The following GRM3 variants were observed in gnomAD, a reference collection of about 807,000 sequenced individuals.
The protein encoded by GRM3 is glutamate metabotropic receptor 3, also known as metabotropic glutamate receptor 3.
A neutral mutation model predicts 70.5 loss-of-function variants in GRM3; 26 were observed. That is an observed-to-expected ratio of 0.37 (90% CI 0.27 to 0.51). The LOEUF is 0.51. Ranked by LOEUF, GRM3 falls within the 20% of genes least tolerant of loss-of-function variation. The pLI is 0.93. For synonymous variants in GRM3, 443 were observed against 434.9 expected (o/e 1.02, Z -0.23); for missense variants, 859 against 1,123.8 (o/e 0.76, Z 3.37).
Position 86,838,938 on chromosome 7 carries a change from G to A in GRM3, c.1424G>A (p.Gly475Asp), listed in dbSNP as rs17161026. Residue 475 changes from glycine to aspartate, a missense_variant, in exon 4 of 6, where the codon GGT becomes GAT. Physicochemically the swap from Gly to Asp is moderately conservative, Grantham distance 94 (BLOSUM62 -1). Coordinates refer to ENST00000361669, the MANE Select transcript of GRM3 (RefSeq NM_000840.3). Reference sequence around the variant, plus strand: ...AACGTGTTCAATTTCCAAAATGTAGGTGGAAAGTATTCCTACTTGAAAGTT... The same window carrying A: ...AACGTGTTCAATTTCCAAAATGTAGATGGAAAGTATTCCTACTTGAAAGTT... ...RYNVFNFQNV[G>D]GKYSYLKVGH... 18,949 of 1,613,628 alleles carry A rather than the reference G, an allele frequency of 0.012. 137 individuals are homozygous for A. Among genetic ancestry groups the A allele is most frequent in the Middle Eastern group, 0.016 (96 of 6,060 alleles).
intron 3 of GRM3, among the ~76,000 whole-genome samples, chr7:86,835,611 TCTTA>T (rs555304339): frequency 5.2e-4 from 79 of 152,240 alleles, no homozygotes; most frequent in African/African-American, 1.8e-3. Context: ...TATATACAGC[TCTTA>T]CTTTTTTAAT....
intron 1 of GRM3, among the ~76,000 whole-genome samples, chr7:86,698,520 T>TTATATATA (rs570784350): frequency 2.1e-5 from 3 of 142,158 alleles, no homozygotes; most frequent in African/African-American, 8.0e-5. Flanking sequence ...TAAAAAGTAT[T>TTATATATA]TATATATATA....
rs538838697 is a variant in GRM3, at chr7:86,702,601, T to A, written c.-141+57729T>A. On this transcript the variant is annotated intron_variant, in intron 1 of 5. Transcript: ENST00000361669. ...AATCCCTAAAAGATCCAATTATGATTCCATCATTCTCTTTTTGTCCTTATT... is the reference window on the plus strand; with the variant it reads ...AATCCCTAAAAGATCCAATTATGATACCATCATTCTCTTTTTGTCCTTATT... Among the ~76,000 whole-genome samples, 268 of 152,128 alleles carry A rather than the reference T, an allele frequency of 1.8e-3. 2 individuals carry two copies. Among genetic ancestry groups the A allele is most frequent in the Middle Eastern group, 6.8e-3 (2 of 294 alleles).
intron 3 of GRM3, among the ~76,000 whole-genome samples, chr7:86,812,474 T>C (rs1162377210): frequency 6.6e-6 from 1 of 151,800 alleles, no homozygotes; most frequent in African/African-American, 2.4e-5. Flanking sequence ...GTTAACCAGG[T>C]GTTAATTCCA....
intron 1 of GRM3, among the ~76,000 whole-genome samples, chr7:86,759,793 A>G (rs1416629498): frequency 5.9e-5 from 9 of 152,152 alleles, no homozygotes; most frequent in African/African-American, 2.2e-4. Context: ...TGGGTTTGAA[A>G]TGATGAGCTA....
At chr7:86,668,137 A>T (rs1409376086) in intron 1 of GRM3, among the ~76,000 whole-genome samples, 1 of 152,088 alleles carries the variant, frequency 6.6e-6, no homozygotes, top group Non-Finnish European at 1.5e-5. Flanking sequence ...TGTTTTGTGT[A>T]TCTTCATTAT....
Position 86,864,638 on chromosome 7 carries a change from C to CAAAAAAAAAAAAAAAAAAAAAAAAAA in GRM3, c.*295_*296insAAAAAAAAAAAAAAAAAAAAAAAAAA. On this transcript the variant is annotated 3_prime_UTR_variant, in exon 6 of 6. Transcript: ENST00000361669. Reference sequence around the variant, plus strand: ...CTGACATGGTCAGTCTACTAAAAAACAAAAAAAAAAAACAAAAAAAAAAAA... The same window carrying CAAAAAAAAAAAAAAAAAAAAAAAAAA: ...CTGACATGGTCAGTCTACTAAAAAACAAAAAAAAAAAAAAAAAAAAAAAAAAAAAAAAAAAAAACAAAAAAAAAAAA... 1 of 45,368 alleles carries CAAAAAAAAAAAAAAAAAAAAAAAAAA rather than the reference C, an allele frequency of 2.2e-5. No homozygotes were observed. The highest frequency in any genetic ancestry group is 4.4e-5 in the Non-Finnish European group (1 of 22,472). 2.8% of individuals were successfully genotyped at this position (45,368 alleles called of 1,614,324 possible). A position where few individuals can be genotyped will look rare whatever the true frequency, so the allele number is the denominator to read the frequency against.
intron 3 of GRM3, among the ~76,000 whole-genome samples, chr7:86,798,471 C>T (rs952801833): frequency 3.3e-5 from 5 of 152,194 alleles, no homozygotes; most frequent in Non-Finnish European, 7.3e-5. Flanking sequence ...TGCATGGGTC[C>T]TGTAGCCCCT....
intron 5 of GRM3, 91 bp downstream of exon 5, chr7:86,850,635 T>A: frequency 4.8e-6 from 4 of 836,330 alleles, no homozygotes. Flanking sequence ...TCTGTCCCCA[T>A]GAACAATCTC....
At chr7:86,809,307 GT>G in intron 3 of GRM3, among the ~76,000 whole-genome samples, 1 of 152,112 alleles carries the variant, frequency 6.6e-6, no homozygotes, top group South Asian at 2.1e-4. Context: ...ATAATAAAGT[GT>G]TTCTACAGAA....
intron 1 of GRM3, among the ~76,000 whole-genome samples, chr7:86,661,589 C>A (rs1009588237): frequency 6.6e-6 from 1 of 151,842 alleles, no homozygotes; most frequent in Non-Finnish European, 1.5e-5. Flanking sequence ...CTTCAGTGTT[C>A]TTTTCCTAAG....
At chr7:86,659,737 C>A (rs1314067719) in intron 1 of GRM3, among the ~76,000 whole-genome samples, 1 of 151,966 alleles carries the variant, frequency 6.6e-6, no homozygotes, top group Non-Finnish European at 1.5e-5. Flanking sequence ...CTTATTTTAA[C>A]ATAAAATCCT....
At chr7:86,729,818 C>CA (rs1210609967) in intron 1 of GRM3, among the ~76,000 whole-genome samples, 1 of 152,150 alleles carries the variant, frequency 6.6e-6, no homozygotes, top group Non-Finnish European at 1.5e-5. Flanking sequence ...TTAAAAATGG[C>CA]ATAACTCGGC....
intron 1 of GRM3, among the ~76,000 whole-genome samples, chr7:86,673,839 A>G (rs753455261): frequency 6.6e-6 from 1 of 152,124 alleles, no homozygotes; most frequent in Non-Finnish European, 1.5e-5. Context: ...TCCTTCTTCT[A>G]TAACCATACT....
chr7:86,747,498 C>T (rs1020410739), intron 1 of GRM3, among the ~76,000 whole-genome samples: 6 of 151,972 alleles, frequency 3.9e-5, no homozygotes, highest in African/African-American at 1.4e-4. Context: ...AGCCTTTGTT[C>T]TCTTTATAGG....
At chr7:86,683,057 T>A (rs1243791301) in intron 1 of GRM3, among the ~76,000 whole-genome samples, 1 of 152,062 alleles carries the variant, frequency 6.6e-6, no homozygotes, top group Non-Finnish European at 1.5e-5. Flanking sequence ...AAACATTGGA[T>A]CACAAGAAAA....
At chr7:86,799,967 A>G (rs1562868406) in intron 3 of GRM3, among the ~76,000 whole-genome samples, 2 of 152,230 alleles carry the variant, frequency 1.3e-5, no homozygotes, top group African/African-American at 4.8e-5. Context: ...CCAGGCTTGC[A>G]TGCCAGAAGA....
chr7:86,730,249 G>A (rs192227852), intron 1 of GRM3, among the ~76,000 whole-genome samples: 22 of 152,148 alleles, frequency 1.4e-4, no homozygotes, highest in Non-Finnish European at 2.5e-4. Flanking sequence ...GGTGAAACCC[G>A]CCTCTACTGA....
At position 86,714,769 on chromosome 7, in the gene GRM3, T is replaced by C. The variant is rs577417654; in HGVS notation, c.-140-50237T>C. Among the ~76,000 whole-genome samples the C allele has an allele frequency of 2.0e-5, 3 of 152,148 alleles. No homozygotes were observed. In the East Asian group the frequency reaches 5.8e-4, roughly 29 times the overall value. Reference sequence around the variant, plus strand: ...TATATAACTATGATTCAGGAAAATATTTTTGCTGCTACAGGCATTCATTCA... The same window carrying C: ...TATATAACTATGATTCAGGAAAATACTTTTGCTGCTACAGGCATTCATTCA... On this transcript the variant is annotated intron_variant, in intron 1 of 5. Transcript: ENST00000361669.
Sources: allele counts gnomAD v4.1 joint callset (sites outside exome capture counted in the v4.1 genomes callset), GRCh38; gene constraint gnomAD v4.1.1; transcripts MANE v1.5; gene names NCBI Gene and HGNC (gene_info 2026-07-23, HGNC 2026-07-21).